CLSTN1: variants seen among roughly 807,000 people sequenced by gnomAD.
CLSTN1 encodes the protein calsyntenin-1.
Under a neutral mutation model 108.3 loss-of-function variants are expected in CLSTN1, and 28 were observed. The observed-to-expected ratio is 0.26, with a 90% CI of 0.19 to 0.35. The LOEUF (loss-of-function observed/expected upper bound fraction) is 0.35, where lower values mean the gene tolerates loss of function less well. CLSTN1 is among the 10% of genes least tolerant of loss of function. The pLI is 1.00. For missense variants in CLSTN1, 1,157 were observed against 1,302.6 expected (o/e 0.89, Z 1.72); for synonymous variants, 524 against 534.9 (o/e 0.98, Z 0.28).
chr1:9,806,750 G>C (rs1654525841), intron 1 of CLSTN1, among the ~76,000 whole-genome samples: 2 of 151,956 alleles, frequency 1.3e-5, no homozygotes, highest in Admixed American at 1.3e-4. Flanking sequence ...GTGGTGGCGG[G>C]CACCTGTAGT....
Position 9,823,391 on chromosome 1 carries a change from G to A in CLSTN1, c.91+252C>T, listed in dbSNP as rs137867888. ...GCCCGGGACGGAGCCTGGCTTCCCC[G>A]GGACGCCTGCAGCGCGCGCCCACAG... On this transcript the variant is annotated intron_variant, in intron 1 of 18. Transcript: ENST00000377298. This position sits in a 1 kb window ranked among gnomAD's most constrained non-coding sequence, Gnocchi z 6.3. 6.6e-6 allele frequency among the ~76,000 whole-genome samples: 1 copy of A among 152,078 alleles called. No individual in the cohort carries two copies. The highest frequency in any genetic ancestry group is 2.1e-4 in the South Asian group (1 of 4,834).
chr1:9,788,593 C>A (rs894340689), intron 1 of CLSTN1, among the ~76,000 whole-genome samples: 8 of 147,904 alleles, frequency 5.4e-5, no homozygotes, highest in Non-Finnish European at 8.9e-5. Flanking sequence ...TGAGGCCGGG[C>A]GCAGTGGCTC....
chr1:9,733,687 A>G (rs1254282876), intron 15 of CLSTN1, 141 bp from the exon 16 acceptor site: 9 of 973,658 alleles, frequency 9.2e-6, no homozygotes, highest in African/African-American at 1.6e-5. Flanking sequence ...CTTTCTAGCC[A>G]TGGGAATAAA....
At chr1:9,789,319 C>G (rs917375056) in intron 1 of CLSTN1, among the ~76,000 whole-genome samples, 1 of 151,426 alleles carries the variant, frequency 6.6e-6, no homozygotes, top group African/African-American at 2.4e-5. Context: ...CACAAGGGCC[C>G]CGATTTCTCC....
intron 11 of CLSTN1, 117 bp downstream of exon 11, chr1:9,737,381 G>T: frequency 2.3e-6 from 2 of 874,518 alleles, no homozygotes; most frequent in Non-Finnish European, 3.9e-6. Flanking sequence ...CAGGGAAGCA[G>T]CTCAGATGGT....
intron 1 of CLSTN1, among the ~76,000 whole-genome samples, chr1:9,787,214 C>A (rs1653538176): frequency 6.6e-6 from 1 of 151,066 alleles, no homozygotes; most frequent in African/African-American, 2.4e-5. Flanking sequence ...TTCTTCCATC[C>A]ATCCATCCGT....
chr1:9,737,368 A>G (rs1570436535), intron 11 of CLSTN1, 130 bp downstream of exon 11: 1 of 804,200 alleles, frequency 1.2e-6, no homozygotes, highest in Non-Finnish European at 2.2e-6. Flanking sequence ...GGGAAGCGCA[A>G]TGCAGGGAAG....
intron 13 of CLSTN1, 60 bp downstream of exon 13, chr1:9,735,407 A>T (rs1650629438): frequency 6.2e-7 from 1 of 1,610,138 alleles, no homozygotes; most frequent in African/African-American, 1.3e-5. Flanking sequence ...CTGTCTTAAA[A>T]ACCTAAATAT....
chr1:9,809,074 A>AC (rs1654623608), intron 1 of CLSTN1, among the ~76,000 whole-genome samples: 1 of 152,092 alleles, frequency 6.6e-6, no homozygotes, highest in African/African-American at 2.4e-5. Flanking sequence ...CGCAGAAAAC[A>AC]CCCACAACCC....
chr1:9,786,819 C>T (rs577191767), intron 1 of CLSTN1, among the ~76,000 whole-genome samples: 4 of 151,414 alleles, frequency 2.6e-5, no homozygotes, highest in African/African-American at 9.6e-5. Context: ...AGAGCTACAT[C>T]GGGCTCCTCG....
chr1:9,776,861 T>TC lies in CLSTN1; in HGVS notation c.92-3468_92-3467insG, dbSNP rs1352969310. 3.3e-4 allele frequency among the ~76,000 whole-genome samples: 34 copies of TC among 102,232 alleles called. 1 individual carries two copies. Among genetic ancestry groups the TC allele is most frequent in the African/African-American group, 1.1e-3 (25 of 22,410 alleles). 67.1% of individuals were successfully genotyped at this position (102,232 alleles called of 152,430 possible). A position where few individuals can be genotyped will look rare whatever the true frequency, so the allele number is the denominator to read the frequency against. ...AGCATTTATCTATCATCTATCAGCA[T>TC]TTATCTATCTATCTATCTATCTATC... On this transcript the variant is annotated intron_variant, in intron 1 of 18. Coordinates refer to ENST00000377298, the MANE Select transcript of CLSTN1 (RefSeq NM_001009566.3).
chr1:9,751,387 G>T, intron 5 of CLSTN1, 86 bp downstream of exon 5: 2 of 1,311,916 alleles, frequency 1.5e-6, no homozygotes, highest in Non-Finnish European at 2.2e-6. Flanking sequence ...ATGAAGTTCT[G>T]ACGAAGCACA....
chr1:9,733,916 C>T, intron 15 of CLSTN1, 56 bp downstream of exon 15: 3 of 1,540,008 alleles, frequency 1.9e-6, no homozygotes, highest in Non-Finnish European at 2.6e-6. Flanking sequence ...GCCAAGAGCT[C>T]TCAAAGTCCC....
chr1:9,816,869 T>G (rs1288385180), intron 1 of CLSTN1, among the ~76,000 whole-genome samples: 1 of 152,122 alleles, frequency 6.6e-6, no homozygotes, highest in Non-Finnish European at 1.5e-5. Flanking sequence ...CTGGTCTCTT[T>G]CTCCCAACCT....
At chr1:9,745,586 G>A (rs1057120297) in intron 7 of CLSTN1, among the ~76,000 whole-genome samples, 1 of 151,550 alleles carries the variant, frequency 6.6e-6, no homozygotes, top group African/African-American at 2.4e-5. Context: ...GAGCCCAGGA[G>A]GTTGAGGCTG....
At chr1:9,758,105 T>C (rs975357267) in intron 2 of CLSTN1, among the ~76,000 whole-genome samples, 1 of 152,044 alleles carries the variant, frequency 6.6e-6, no homozygotes, top group Non-Finnish European at 1.5e-5. Context: ...GCGATTCTCC[T>C]GCCTCAGCTT....
At chr1:9,791,867 G>A (rs1653785523) in intron 1 of CLSTN1, among the ~76,000 whole-genome samples, 1 of 151,170 alleles carries the variant, frequency 6.6e-6, no homozygotes, top group Admixed American at 6.7e-5. Flanking sequence ...TAAGATTTCT[G>A]GCCGGGCCCA....
At chr1:9,786,667 A>C (rs1438057878) in intron 1 of CLSTN1, among the ~76,000 whole-genome samples, 4 of 150,176 alleles carry the variant, frequency 2.7e-5, no homozygotes, top group Admixed American at 6.8e-5. Context: ...AAAAAAAAAA[A>C]AAAAAACAAA....
Position 9,739,299 on chromosome 1 carries a change from C to T in CLSTN1, c.1520-1745G>A, listed in dbSNP as rs148027462. 6.6e-5 allele frequency among the ~76,000 whole-genome samples: 10 copies of T among 152,324 alleles called. No homozygotes were observed. In the East Asian group the frequency reaches 1.5e-3, roughly 23 times the overall value. On this transcript the variant is annotated intron_variant, in intron 10 of 18. Coordinates refer to ENST00000377298, the MANE Select transcript of CLSTN1 (RefSeq NM_001009566.3). ...CTGTTGCAGATGCCACAGGGATCCT[C>T]GCACAGCCCTCACAACTTGGAACTT...
Sources: allele counts gnomAD v4.1 joint callset (sites outside exome capture counted in the v4.1 genomes callset), GRCh38; gene constraint gnomAD v4.1.1; non-coding constraint Gnocchi (gnomAD v3.1); transcripts MANE v1.5; gene names NCBI Gene and HGNC (gene_info 2026-07-23, HGNC 2026-07-21).